Variants in NALCN observed in about 807,000 individuals in gnomAD.
NALCN encodes sodium leak channel NALCN.
Under a neutral mutation model 225.3 loss-of-function variants are expected in NALCN, and 111 were observed. The observed-to-expected ratio is 0.49, with a 90% CI of 0.42 to 0.58. The LOEUF (loss-of-function observed/expected upper bound fraction) is 0.58. Among genes scored for constraint, NALCN ranks in the 20% least tolerant of loss-of-function variants. The pLI, the probability that NALCN is intolerant of heterozygous loss-of-function variation, is 0.00. For synonymous variants in NALCN, 764 were observed against 769.0 expected, an observed-to-expected ratio of 0.99 and a Z score of 0.11; for missense variants, 1,378 against 2,202.4, an observed-to-expected ratio of 0.63 and a Z score of 7.49.
chr13:101,257,639 A>G (rs1331498580), intron 11 of NALCN, among the ~76,000 whole-genome samples: 1 of 152,144 alleles, frequency 6.6e-6, no homozygotes, highest in African/African-American at 2.4e-5. Context: ...GATTTATTGA[A>G]GCGTTGTACA....
intron 7 of NALCN, among the ~76,000 whole-genome samples, chr13:101,309,448 C>T (rs1410405408): frequency 1.3e-5 from 2 of 152,146 alleles, no homozygotes; most frequent in African/African-American, 2.4e-5. Flanking sequence ...AATCAGACAC[C>T]ACATAGTTTG....
intron 7 of NALCN, among the ~76,000 whole-genome samples, chr13:101,311,996 T>G (rs1340945777): frequency 6.6e-6 from 1 of 151,662 alleles, no homozygotes; most frequent in Non-Finnish European, 1.5e-5. Context: ...GTCCCGGACT[T>G]TTTTTGGTTG....
intron 10 of NALCN, among the ~76,000 whole-genome samples, chr13:101,264,901 G>A (rs2042549243): frequency 6.6e-6 from 1 of 152,100 alleles, no homozygotes; most frequent in Non-Finnish European, 1.5e-5. Context: ...CCATTTGGAG[G>A]CATTATAAAG....
At chr13:101,269,211 C>CATATAT (rs60240326) in intron 10 of NALCN, among the ~76,000 whole-genome samples, 176 of 145,552 alleles carry the variant, frequency 1.2e-3, no homozygotes, top group East Asian at 5.3e-3. Context: ...AGAAAAAGCT[C>CATATAT]ATATATATAT....
intron 10 of NALCN, among the ~76,000 whole-genome samples, chr13:101,274,202 C>T (rs2042900544): frequency 6.6e-6 from 1 of 152,158 alleles, no homozygotes; most frequent in Admixed American, 6.5e-5. Flanking sequence ...ACCTCTCTCA[C>T]GTGTGCATAC....
chr13:101,245,279 G>C (rs941568668), intron 11 of NALCN, among the ~76,000 whole-genome samples: 1 of 152,086 alleles, frequency 6.6e-6, no homozygotes, highest in African/African-American at 2.4e-5. Flanking sequence ...GACAAAATTT[G>C]TAAGAGTATA....
At chr13:101,071,132 G>A (rs1379052488) in intron 37 of NALCN, among the ~76,000 whole-genome samples, 3 of 152,170 alleles carry the variant, frequency 2.0e-5, no homozygotes, top group Non-Finnish European at 4.4e-5. Flanking sequence ...GGAGATTAAG[G>A]GAACTACAAT....
At chr13:101,291,003 C>A (rs990234633) in intron 9 of NALCN, among the ~76,000 whole-genome samples, 2 of 151,966 alleles carry the variant, frequency 1.3e-5, no homozygotes, top group African/African-American at 2.4e-5. Context: ...TGAAACAAAA[C>A]CAAAAATAAA....
rs201701394 is a variant in NALCN at position 101,107,514 on chromosome 13, C to A, written c.2552G>T (p.Arg851Leu). 1.2e-6 allele frequency: 2 copies of A among 1,614,026 alleles called. No homozygotes were observed. Among genetic ancestry groups the A allele is most frequent in the Non-Finnish European group, 1.7e-6 (2 of 1,179,996 alleles). ...GREHRFRNFC[R>L]VVVRARFNAS... ...GTTGAAGCGTGCTCGGACCACCACC[C>A]GGCAAAAGTTTCTGAACCTGTGTTC... The change falls in exon 22 of 44, where the codon CGG becomes CTG. Residue 851 changes from arginine to leucine, a missense_variant. By Grantham distance (102) the Arg-to-Leu change is moderately radical. This residue lies in a region of NALCN where 292 missense variants were observed against 409.5 expected (regional missense o/e 0.71). Coordinates refer to ENST00000251127, the MANE Select transcript of NALCN (RefSeq NM_052867.4).
chr13:101,230,634 A>T (rs2041306797), intron 12 of NALCN, among the ~76,000 whole-genome samples: 1 of 152,168 alleles, frequency 6.6e-6, no homozygotes, highest in African/African-American at 2.4e-5. Flanking sequence ...GCCCCTTTGG[A>T]CCAGAAATAG....
intron 1 of NALCN, among the ~76,000 whole-genome samples, chr13:101,411,536 G>A (rs1566665256): frequency 6.6e-6 from 1 of 151,738 alleles, no homozygotes; most frequent in Non-Finnish European, 1.5e-5. Context: ...TTTTAGCAGG[G>A]ACGGGGTTTC....
intron 15 of NALCN, among the ~76,000 whole-genome samples, chr13:101,165,697 A>T (rs1281978049): frequency 6.6e-6 from 1 of 152,182 alleles, no homozygotes; most frequent in Admixed American, 6.5e-5. Flanking sequence ...GCTGATCTCA[A>T]ATTCCTGGGC....
intron 35 of NALCN, 76 bp from the exon 36 acceptor site, chr13:101,074,738 GAGAGA>G: frequency 6.9e-7 from 1 of 1,444,868 alleles, no homozygotes; most frequent in South Asian, 1.4e-5. Context: ...GAGAGAGAGA[GAGAGA>G]ATATTCAATC....
intron 17 of NALCN, 92 bp downstream of exon 17, chr13:101,142,988 A>T (rs2037165203): frequency 7.0e-7 from 1 of 1,432,244 alleles, no homozygotes; most frequent in Non-Finnish European, 9.8e-7. Flanking sequence ...CTCTTGAGAA[A>T]TTGGATTCCA....
At position 101,094,474 on chromosome 13, in the gene NALCN, A is replaced by G. The variant is rs76849981; in HGVS notation, c.3269+1100T>C. ...TTGAATTAATAAAAATTAATAAATT[A>G]TAACATAAATAACTTTATGCTATAA... On this transcript the variant is annotated intron_variant, in intron 28 of 43. Coordinates refer to ENST00000251127, the MANE Select transcript of NALCN (RefSeq NM_052867.4). 6.0e-3 allele frequency among the ~76,000 whole-genome samples: 919 copies of G among 152,304 alleles called. 10 individuals carry two copies. Among genetic ancestry groups the G allele is most frequent in the African/African-American group, 0.021 (861 of 41,568 alleles).
chr13:101,270,344 A>C (rs936229806), intron 10 of NALCN, among the ~76,000 whole-genome samples: 28 of 152,200 alleles, frequency 1.8e-4, no homozygotes, highest in African/African-American at 5.8e-4. Flanking sequence ...CAGCTAATTA[A>C]ATTCCTACAT....
rs530936603 is a variant in NALCN, at chr13:101,407,984, G to GTC, written c.-40+8327_-40+8328dup. ...CTCACCATGCCTCAATGAGGTAAGTGTCTCTCTCTCTGTTATTCTGATTTT... is the reference window on the plus strand; with the variant it reads ...CTCACCATGCCTCAATGAGGTAAGTGTCTCTCTCTCTCTGTTATTCTGATTTT... On this transcript the variant is annotated intron_variant, in intron 1 of 43. Transcript: ENST00000251127. Among the ~76,000 whole-genome samples, 43 of 152,280 alleles carry GTC rather than the reference G, an allele frequency of 2.8e-4. No homozygotes were observed. The South Asian group carries it at 3.3e-3, about 12-fold the overall frequency.
intron 42 of NALCN, 142 bp downstream of exon 42, chr13:101,059,674 CTT>C (rs35627368): frequency 9.5e-4 from 575 of 604,988 alleles, no homozygotes; most frequent in African/African-American, 1.8e-3. Context: ...TTTCCGTTGC[CTT>C]TTTTTTTTTT....
intron 13 of NALCN, among the ~76,000 whole-genome samples, chr13:101,214,071 A>G (rs1287386799): frequency 6.6e-6 from 1 of 152,250 alleles, no homozygotes; most frequent in African/African-American, 2.4e-5. Context: ...AGACTGGATT[A>G]AGAAAATGTG....
Sources: allele counts gnomAD v4.1 joint callset (sites outside exome capture counted in the v4.1 genomes callset), GRCh38; gene constraint gnomAD v4.1.1; regional missense constraint gnomAD v4.1.1; transcripts MANE v1.5; gene names NCBI Gene and HGNC (gene_info 2026-07-23, HGNC 2026-07-21).